DEFB1: variants seen among roughly 807,000 people sequenced by gnomAD.
DEFB1 encodes beta-defensin 1.
In DEFB1, 4 loss-of-function variants were observed where a neutral mutation model predicts 2.6. The ratio of observed to expected loss-of-function variants is 1.53; its 90% CI spans 0.76 to 3.51. The LOEUF is 3.51. Ranked by LOEUF, DEFB1 falls within the 30% of genes most tolerant of loss-of-function variation. The pLI is 0.01. For missense variants in DEFB1, 162 were observed against 76.9 expected (o/e 2.11, Z -4.14); for synonymous variants, 56 against 28.5 (o/e 1.96, Z -3.07).
intron 1 of DEFB1, among the ~76,000 whole-genome samples, chr8:6,875,767 T>C (rs1202825807): frequency 1.3e-5 from 2 of 152,170 alleles, no homozygotes; most frequent in Non-Finnish European, 2.9e-5. Context: ...CTTTTCAGCA[T>C]GTAGAAATAG....
intron 1 of DEFB1, among the ~76,000 whole-genome samples, chr8:6,875,071 C>G (rs1003778028): frequency 1.2e-5 from 1 of 81,908 alleles, no homozygotes; most frequent in African/African-American, 3.5e-5. Flanking sequence ...AAGCCACACA[C>G]ACACACACAC....
At chr8:6,877,116 T>C (rs1286102450) in intron 1 of DEFB1, among the ~76,000 whole-genome samples, 3 of 152,192 alleles carry the variant, frequency 2.0e-5, no homozygotes. Context: ...ACCATGTGAC[T>C]CGTGTGAACA....
chr8:6,876,924 T>C (rs995081239), intron 1 of DEFB1, among the ~76,000 whole-genome samples: 2 of 151,258 alleles, frequency 1.3e-5, no homozygotes, highest in African/African-American at 2.4e-5. Context: ...GCTTTTGTAC[T>C]CAGCTTTCAG....
At chr8:6,873,059 G>A (rs141176455) in intron 1 of DEFB1, among the ~76,000 whole-genome samples, 194 of 152,302 alleles carry the variant, frequency 1.3e-3, no homozygotes, top group African/African-American at 4.4e-3. Flanking sequence ...GTAATCAAAT[G>A]GTTGGGTGTA....
At chr8:6,871,103 A>G (rs1563394551) in intron 1 of DEFB1, among the ~76,000 whole-genome samples, 1 of 152,236 alleles carries the variant, frequency 6.6e-6, no homozygotes, top group Non-Finnish European at 1.5e-5. Flanking sequence ...TTAAATGTGC[A>G]GGGAATTCAA....
intron 1 of DEFB1, among the ~76,000 whole-genome samples, chr8:6,874,979 C>G (rs1297002879): frequency 2.4e-5 from 2 of 83,804 alleles, no homozygotes; most frequent in East Asian, 3.0e-4. Context: ...GAGACTCAGT[C>G]TCAAAAAAAA....
At chr8:6,871,372 T>C (rs1806303982) in intron 1 of DEFB1, among the ~76,000 whole-genome samples, 1 of 152,168 alleles carries the variant, frequency 6.6e-6, no homozygotes, top group Non-Finnish European at 1.5e-5. Flanking sequence ...AGTTTTTTTT[T>C]CTACTTGGAC....
intron 1 of DEFB1, among the ~76,000 whole-genome samples, chr8:6,876,376 C>G (rs1205318670): frequency 6.6e-6 from 1 of 152,100 alleles, no homozygotes; most frequent in Non-Finnish European, 1.5e-5. Context: ...ACTCAGGAGG[C>G]TGAGGCAGGA....
intron 1 of DEFB1, among the ~76,000 whole-genome samples, chr8:6,877,269 A>G (rs1806567068): frequency 6.6e-6 from 1 of 152,194 alleles, no homozygotes; most frequent in Non-Finnish European, 1.5e-5. Flanking sequence ...GGAGACTGCT[A>G]ACCTGGAGAA....
At chr8:6,876,340 G>T (rs948255780) in intron 1 of DEFB1, among the ~76,000 whole-genome samples, 1 of 152,102 alleles carries the variant, frequency 6.6e-6, no homozygotes, top group Non-Finnish European at 1.5e-5. Context: ...GCCAGGCTTG[G>T]TGGCATGCAC....
intron 1 of DEFB1, 65 bp downstream of exon 1, chr8:6,877,732 A>T (rs1224933031): frequency 1.7e-5 from 24 of 1,427,394 alleles, no homozygotes; most frequent in Middle Eastern, 1.8e-4. Flanking sequence ...GCCATCCGAG[A>T]CTCACATCAG....
intron 1 of DEFB1, among the ~76,000 whole-genome samples, chr8:6,871,454 C>A (rs1806307757): frequency 6.6e-6 from 1 of 152,276 alleles, no homozygotes; most frequent in African/African-American, 2.4e-5. Context: ...CCTTCTATTC[C>A]ATGCAACAGG....
chr8:6,874,122 C>T (rs980710359), intron 1 of DEFB1, among the ~76,000 whole-genome samples: 3 of 96,370 alleles, frequency 3.1e-5, no homozygotes, highest in Non-Finnish European at 4.3e-5. Context: ...CTGACATACA[C>T]ACACACACAC....
intron 1 of DEFB1, among the ~76,000 whole-genome samples, chr8:6,872,544 G>C (rs754734639): frequency 1.3e-5 from 2 of 152,110 alleles, no homozygotes; most frequent in African/African-American, 4.8e-5. Context: ...GAAGAGGTTT[G>C]GGAAGGGCCC....
chr8:6,873,746 CACATT>C (rs1354483023), intron 1 of DEFB1, among the ~76,000 whole-genome samples: 1 of 145,920 alleles, frequency 6.9e-6, no homozygotes, highest in Non-Finnish European at 1.5e-5. Context: ...GTGACAAGAT[CACATT>C]CCATTCCTCA....
In DEFB1 at chr8:6,870,653, T is replaced by A. The variant is rs755395385; in HGVS notation, c.*28A>T. On this transcript the variant is annotated 3_prime_UTR_variant, in exon 2 of 2. Coordinates refer to ENST00000297439, the MANE Select transcript of DEFB1 (RefSeq NM_005218.4). ...GCTTATAAAAAGTTCATTTCACTTC[T>A]GCGTCATTTCTTCTGGTCACTCCCA... The A allele has an allele frequency of 3.7e-6, 6 of 1,601,702 alleles. No homozygotes were observed. The East Asian group carries it at 1.3e-4, about 36-fold the overall frequency.
chr8:6,873,814 C>G (rs1332693336), intron 1 of DEFB1, among the ~76,000 whole-genome samples: 1 of 152,158 alleles, frequency 6.6e-6, no homozygotes, highest in Non-Finnish European at 1.5e-5. Flanking sequence ...AAAACAAGCT[C>G]CTAGGTGACA....
intron 1 of DEFB1, among the ~76,000 whole-genome samples, chr8:6,873,055 A>C (rs2117210942): frequency 6.6e-6 from 1 of 152,380 alleles, no homozygotes; most frequent in Non-Finnish European, 1.5e-5. Flanking sequence ...CTCAGTAATC[A>C]AATGGTTGGG....
At chr8:6,876,802 CA>C (rs1247402371) in intron 1 of DEFB1, among the ~76,000 whole-genome samples, 10 of 45,034 alleles carry the variant, frequency 2.2e-4, no homozygotes, top group African/African-American at 6.6e-4. Flanking sequence ...GACCCTGTCT[CA>C]AAAAAAAAGC....
Sources: gnomAD v4.1 joint callset for allele counts (sites outside exome capture counted in the v4.1 genomes callset) on GRCh38, gnomAD v4.1.1 for gene constraint, MANE v1.5 for transcripts, NCBI Gene and HGNC (gene_info 2026-07-23, HGNC 2026-07-21) for gene names.